Variants in CPNE8 observed in about 807,000 individuals in gnomAD.
CPNE8 encodes the protein copine 8, also known as copine-8.
In CPNE8, 45 loss-of-function variants were observed where a neutral mutation model predicts 81.5. The ratio of observed to expected loss-of-function variants is 0.55; its 90% CI spans 0.44 to 0.71. CPNE8 has a LOEUF of 0.71. CPNE8 is among the 30% of genes least tolerant of loss of function. CPNE8 has a pLI of 0.00. For synonymous variants in CPNE8, 252 were observed against 226.3 expected, an observed-to-expected ratio of 1.11 and a Z score of -1.02; for missense variants, 594 against 672.1, an observed-to-expected ratio of 0.88 and a Z score of 1.28.
intron 19 of CPNE8, among the ~76,000 whole-genome samples, chr12:38,666,534 G>A (rs1359976819): frequency 3.3e-5 from 5 of 152,126 alleles, no homozygotes; most frequent in South Asian, 2.1e-4. Flanking sequence ...CAGGCTATAC[G>A]TGGAGAAATT....
intron 6 of CPNE8, among the ~76,000 whole-genome samples, chr12:38,797,774 C>G (rs1316614299): frequency 2.0e-5 from 3 of 151,934 alleles, no homozygotes; most frequent in Non-Finnish European, 2.9e-5. Flanking sequence ...AAGTTTGAAC[C>G]AATGGCAAAG....
chr12:38,791,541 C>T (rs1942324109), intron 6 of CPNE8, among the ~76,000 whole-genome samples: 1 of 151,534 alleles, frequency 6.6e-6, no homozygotes, highest in African/African-American at 2.4e-5. Context: ...TAACATTCTA[C>T]TAGTTTATTA....
chr12:38,758,976 G>T (rs960161705), intron 10 of CPNE8, among the ~76,000 whole-genome samples: 4 of 152,034 alleles, frequency 2.6e-5, no homozygotes, highest in Admixed American at 6.6e-5. Flanking sequence ...TATACCCCTT[G>T]TTTATTAGTG....
chr12:38,906,738 C>G (rs779660230), upstream of CPNE8: 306 of 402,628 alleles, frequency 7.6e-4, no homozygotes, highest in Non-Finnish European at 8.3e-4. Flanking sequence ...GTTCCCCGCG[C>G]CTTCCCTCCT....
rs1272500493 is a variant in CPNE8 at position 38,829,556 on chromosome 12, T to C, written c.331-101A>G. 47 of 776,232 alleles carry C rather than the reference T, an allele frequency of 6.1e-5. No individual in the cohort carries two copies. In the East Asian group the frequency reaches 8.5e-4, roughly 14 times the overall value. The allele number at this position is 776,232 out of a possible 1,614,324, so 48.1% of individuals were successfully genotyped here. On this transcript the variant is annotated intron_variant, in intron 5 of 19. Coordinates refer to ENST00000331366, the MANE Select transcript of CPNE8 (RefSeq NM_153634.3). The stretch of plus-strand genomic sequence containing the variant: ...CTGCATTGTTTTCATTGCTGAAATA[T>C]TGACATTTCTAACTTCCAACAATAA...
chr12:38,858,691 G>C (rs1943784053), intron 3 of CPNE8, among the ~76,000 whole-genome samples: 1 of 152,130 alleles, frequency 6.6e-6, no homozygotes, highest in Non-Finnish European at 1.5e-5. Context: ...CCCTGTTTTT[G>C]CTAGTCCTCA....
intron 3 of CPNE8, among the ~76,000 whole-genome samples, chr12:38,855,077 T>A (rs1251529414): frequency 6.6e-6 from 1 of 151,658 alleles, no homozygotes; most frequent in Non-Finnish European, 1.5e-5. Context: ...CACAGAAAAA[T>A]CAGTAGTATT....
At chr12:38,714,417 A>G (rs1940337870) in intron 13 of CPNE8, among the ~76,000 whole-genome samples, 1 of 152,066 alleles carries the variant, frequency 6.6e-6, no homozygotes, top group African/African-American at 2.4e-5. Flanking sequence ...TTTAATAAGT[A>G]AAGACAAATA....
At chr12:38,899,369 C>CA (rs1944428978) in intron 1 of CPNE8, among the ~76,000 whole-genome samples, 1 of 152,086 alleles carries the variant, frequency 6.6e-6, no homozygotes, top group Non-Finnish European at 1.5e-5. Flanking sequence ...GAGAAGCTGG[C>CA]AGCCTGTAAC....
intron 6 of CPNE8, among the ~76,000 whole-genome samples, chr12:38,824,239 A>T (rs1943152600): frequency 6.6e-6 from 1 of 152,200 alleles, no homozygotes; most frequent in Admixed American, 6.5e-5. Flanking sequence ...AGAAAATCTA[A>T]TTTTATAAAT....
At chr12:38,800,949 T>C (rs1268686802) in intron 6 of CPNE8, among the ~76,000 whole-genome samples, 1 of 141,674 alleles carries the variant, frequency 7.1e-6, no homozygotes, top group Admixed American at 7.1e-5. Flanking sequence ...AGAAGGGAAG[T>C]TTAGAGAAAA....
At chr12:38,767,232 G>A (rs1941708151) in intron 8 of CPNE8, among the ~76,000 whole-genome samples, 1 of 151,914 alleles carries the variant, frequency 6.6e-6, no homozygotes, top group Non-Finnish European at 1.5e-5. Flanking sequence ...CATTTTTACT[G>A]AAAGTTAGTC....
At chr12:38,795,193 C>T (rs575328594) in intron 6 of CPNE8, among the ~76,000 whole-genome samples, 2 of 152,170 alleles carry the variant, frequency 1.3e-5, no homozygotes, top group Admixed American at 1.3e-4. Context: ...ACCTGCAGAC[C>T]ACTTATCGTG....
chr12:38,891,950 G>C (rs1224225264), intron 1 of CPNE8, among the ~76,000 whole-genome samples: 1 of 152,158 alleles, frequency 6.6e-6, no homozygotes, highest in African/African-American at 2.4e-5. Context: ...AGACAGGCGT[G>C]CAAAAACCTA....
At chr12:38,830,003 C>T (rs1176642498) in intron 5 of CPNE8, among the ~76,000 whole-genome samples, 1 of 152,150 alleles carries the variant, frequency 6.6e-6, no homozygotes, top group East Asian at 1.9e-4. Context: ...GTATTAGTAC[C>T]TCCTCACAAA....
Position 38,773,214 on chromosome 12 carries a change from G to A in CPNE8, c.471+3024C>T, listed in dbSNP as rs1320489518. The stretch of plus-strand genomic sequence containing the variant: ...GCACAAAATTTCAGTTATGTAAGAT[G>A]AATAAGTCATAGAGATCTACTATAT... On this transcript the variant is annotated intron_variant, in intron 7 of 19. Transcript: ENST00000331366. Among the ~76,000 whole-genome samples, 9 of 152,182 alleles carry A rather than the reference G, an allele frequency of 5.9e-5. No individual in the cohort carries two copies. The South Asian group carries it at 1.2e-3, about 21-fold the overall frequency.
rs139148607 is a variant in CPNE8 at position 38,831,066 on chromosome 12, G to A, written c.331-1611C>T. On this transcript the variant is annotated intron_variant, in intron 5 of 19. Transcript: ENST00000331366. ...GAAAAGATATCTGTAGACTAGCATAGTCAAGGGAACATTTTCCCAAAGGAA... is the reference window on the plus strand; with the variant it reads ...GAAAAGATATCTGTAGACTAGCATAATCAAGGGAACATTTTCCCAAAGGAA... Among the ~76,000 whole-genome samples the A allele has an allele frequency of 1.8e-3, 277 of 152,314 alleles. 3 individuals carry two copies. Among genetic ancestry groups the A allele is most frequent in the African/African-American group, 6.5e-3 (271 of 41,574 alleles).
At chr12:38,897,157 A>G (rs987565916) in intron 1 of CPNE8, among the ~76,000 whole-genome samples, 5 of 152,120 alleles carry the variant, frequency 3.3e-5, no homozygotes, top group Admixed American at 6.6e-5. Flanking sequence ...TCTTGCTGCT[A>G]TACTCTGCTG....
chr12:38,676,256 G>A (rs1939286615), intron 17 of CPNE8: 1 of 954,508 alleles, frequency 1.0e-6, no homozygotes, highest in African/African-American at 1.8e-5. Flanking sequence ...TAATATACTT[G>A]ATTCCATTCT....
Sources: allele counts gnomAD v4.1 joint callset (sites outside exome capture counted in the v4.1 genomes callset), GRCh38; gene constraint gnomAD v4.1.1; transcripts MANE v1.5; gene names NCBI Gene and HGNC (gene_info 2026-07-23, HGNC 2026-07-21).